Variants in RGS8 observed in about 807,000 individuals in gnomAD.
The protein encoded by RGS8 is regulator of G protein signaling 8.
RGS8 carries 8 observed loss-of-function variants against 21.7 expected under a neutral mutation model. The ratio of observed to expected loss-of-function variants is 0.37; its 90% CI spans 0.22 to 0.66. The LOEUF is 0.66. Ranked by LOEUF, RGS8 falls within the 30% of genes least tolerant of loss-of-function variation. RGS8 has a pLI of 0.59. For missense variants in RGS8, 157 were observed against 217.9 expected (o/e 0.72, Z 1.76); for synonymous variants, 80 against 83.6 (o/e 0.96, Z 0.24).
intron 5 of RGS8, among the ~76,000 whole-genome samples, chr1:182,665,592 T>G (rs771386982): frequency 1.1e-4 from 16 of 152,150 alleles, no homozygotes; most frequent in Non-Finnish European, 1.8e-4. Flanking sequence ...CCCAAGACTC[T>G]CCCATAATTT....
At chr1:182,670,618 A>AACCCATTAAAT (rs1557897381) in intron 2 of RGS8, among the ~76,000 whole-genome samples, 2 of 152,214 alleles carry the variant, frequency 1.3e-5, no homozygotes, top group Non-Finnish European at 2.9e-5. Flanking sequence ...TTTTAAAAGG[A>AACCCATTAAAT]ACCTAATTTA....
At chr1:182,741,744 G>C in the RGS8 span, among the ~76,000 whole-genome samples, 1 of 108,272 alleles carries the variant, frequency 9.2e-6, no homozygotes, top group Non-Finnish European at 2.2e-5. Flanking sequence ...CGGCTGGCTG[G>C]GCGGGGGGCT....
chr1:182,747,459 C>A, the RGS8 span, among the ~76,000 whole-genome samples: 12 of 152,242 alleles, frequency 7.9e-5, no homozygotes, highest in South Asian at 2.5e-3. Context: ...AGGGGTAGAA[C>A]TGATAGCCTA....
At chr1:182,742,858 T>C in the RGS8 span, among the ~76,000 whole-genome samples, 1 of 152,162 alleles carries the variant, frequency 6.6e-6, no homozygotes, top group African/African-American at 2.4e-5. Context: ...AGAAGGAACC[T>C]GAATGGTAAG....
chr1:182,738,284 GC>G, the RGS8 span, among the ~76,000 whole-genome samples: 4 of 152,148 alleles, frequency 2.6e-5, no homozygotes, highest in Admixed American at 2.6e-4. Flanking sequence ...ACTTCTCTGA[GC>G]CTTTGTTTCC....
At chr1:182,660,195 CACAACTGT>C (rs1663518742) in intron 5 of RGS8, among the ~76,000 whole-genome samples, 1 of 152,174 alleles carries the variant, frequency 6.6e-6, no homozygotes, top group African/African-American at 2.4e-5. Context: ...ACTGAACTCT[CACAACTGT>C]ACAAGGTAAG....
intron 1 of RGS8, among the ~76,000 whole-genome samples, chr1:182,677,972 T>C (rs907834284): frequency 6.6e-6 from 1 of 152,212 alleles, no homozygotes; most frequent in African/African-American, 2.4e-5. Context: ...CAGCCAAATG[T>C]AATACATGGA....
the RGS8 span, among the ~76,000 whole-genome samples, chr1:182,710,523 C>T: frequency 6.6e-6 from 1 of 152,138 alleles, no homozygotes; most frequent in Admixed American, 6.5e-5. Flanking sequence ...GTCAGGTGTC[C>T]TGTGTGTTCA....
At chr1:182,734,006 C>T in the RGS8 span, among the ~76,000 whole-genome samples, 4 of 151,802 alleles carry the variant, frequency 2.6e-5, no homozygotes, top group African/African-American at 7.3e-5. Flanking sequence ...CTGCAACCTC[C>T]GCCTCCCACA....
chr1:182,741,762 C>A, the RGS8 span, among the ~76,000 whole-genome samples: 2 of 109,256 alleles, frequency 1.8e-5, no homozygotes, highest in South Asian at 2.8e-4. Context: ...GCTGACCCCC[C>A]CACCTCCCTC....
upstream of RGS8, among the ~76,000 whole-genome samples, chr1:182,686,288 CT>C (rs1408131095): frequency 6.6e-6 from 1 of 152,160 alleles, no homozygotes; most frequent in Non-Finnish European, 1.5e-5. Context: ...ACGGTAAAAA[CT>C]TTAAACAAAG....
the RGS8 span, among the ~76,000 whole-genome samples, chr1:182,749,843 C>A: frequency 6.6e-6 from 1 of 152,116 alleles, no homozygotes; most frequent in Non-Finnish European, 1.5e-5. Context: ...AGGTATTAAG[C>A]CCTACATGCA....
chr1:182,721,226 C>T, the RGS8 span, among the ~76,000 whole-genome samples: 1 of 151,642 alleles, frequency 6.6e-6, no homozygotes, highest in Non-Finnish European at 1.5e-5. Flanking sequence ...TTATTTAGTG[C>T]CTATCATGTC....
the RGS8 span, among the ~76,000 whole-genome samples, chr1:182,730,512 C>G: frequency 6.6e-6 from 1 of 151,912 alleles, no homozygotes; most frequent in Non-Finnish European, 1.5e-5. Flanking sequence ...GAGTTCGAGA[C>G]CAGCCTGGCT....
At chr1:182,738,407 T>C in the RGS8 span, among the ~76,000 whole-genome samples, 1 of 152,242 alleles carries the variant, frequency 6.6e-6, no homozygotes, top group Non-Finnish European at 1.5e-5. Flanking sequence ...CAATAAATAG[T>C]AGCCTATATA....
At chr1:182,691,777 C>T in the RGS8 span, among the ~76,000 whole-genome samples, 1 of 152,014 alleles carries the variant, frequency 6.6e-6, no homozygotes, top group East Asian at 1.9e-4. Flanking sequence ...GATGCCCGCT[C>T]TCACCACTCC....
intron 5 of RGS8, among the ~76,000 whole-genome samples, chr1:182,660,197 C>A (rs764659348): frequency 2.6e-5 from 4 of 152,200 alleles, no homozygotes; most frequent in Non-Finnish European, 4.4e-5. Flanking sequence ...TGAACTCTCA[C>A]AACTGTACAA....
the RGS8 span, among the ~76,000 whole-genome samples, chr1:182,691,842 T>C: frequency 6.6e-6 from 1 of 151,804 alleles, no homozygotes; most frequent in Non-Finnish European, 1.5e-5. Context: ...GAGAAAGAAA[T>C]AAAAGGCATC....
At chr1:182,740,907 A>T in the RGS8 span, among the ~76,000 whole-genome samples, 2 of 152,186 alleles carry the variant, frequency 1.3e-5, no homozygotes, top group Non-Finnish European at 2.9e-5. Context: ...AAGGCAGAAG[A>T]ATTCTTCTTA....
Sources: gnomAD v4.1 joint callset for allele counts (sites outside exome capture counted in the v4.1 genomes callset) on GRCh38, gnomAD v4.1.1 for gene constraint, MANE v1.5 for transcripts, NCBI Gene and HGNC (gene_info 2026-07-23, HGNC 2026-07-21) for gene names.